Variants in MYT1L observed in about 807,000 individuals in gnomAD.
MYT1L encodes the protein myelin transcription factor 1-like protein.
Under a neutral mutation model 126.7 loss-of-function variants are expected in MYT1L, and 12 were observed. The ratio of observed to expected loss-of-function variants is 0.09; its 90% CI spans 0.06 to 0.15. The LOEUF (loss-of-function observed/expected upper bound fraction) is 0.15. MYT1L is among the 10% of genes least tolerant of loss of function. The pLI, the probability that MYT1L is intolerant of heterozygous loss-of-function variation, is 1.00. For synonymous variants in MYT1L, 541 were observed against 604.2 expected, an observed-to-expected ratio of 0.90 and a Z score of 1.53; for missense variants, 979 against 1,585.2, an observed-to-expected ratio of 0.62 and a Z score of 6.49.
At chr2:2,021,223 G>A (rs967632768) in intron 4 of MYT1L, among the ~76,000 whole-genome samples, 1 of 152,182 alleles carries the variant, frequency 6.6e-6, no homozygotes, top group Non-Finnish European at 1.5e-5. Context: ...AGGTGCACAG[G>A]TACAGGAGAA....
At position 1,956,345 on chromosome 2, in the gene MYT1L, TTCTA is replaced by T. The variant is rs374568385; in HGVS notation, c.153-13015_153-13012del. On this transcript the variant is annotated intron_variant, in intron 8 of 24. Transcript: ENST00000647738. ...TATGTGTCCTATTCTATATTTCCTATTCTATCTATCTATCTATCATCTATCCTAT... is the reference window on the plus strand; with the variant it reads ...TATGTGTCCTATTCTATATTTCCTATTCTATCTATCTATCATCTATCCTAT... Among the ~76,000 whole-genome samples the T allele has an allele frequency of 1.2e-3, 164 of 136,426 alleles. 17 individuals are homozygous for T. The highest frequency in any genetic ancestry group is 3.6e-3 in the East Asian group (18 of 5,068). 89.5% of individuals were successfully genotyped at this position (136,426 alleles called of 152,430 possible).
At chr2:1,886,474 A>AT (rs1031452204) in intron 18 of MYT1L, 65 bp downstream of exon 18, 3,442 of 1,180,462 alleles carry the variant, frequency 2.9e-3, no homozygotes, top group South Asian at 5.3e-3. Flanking sequence ...ATGACATATC[A>AT]TTTTTTTTTG....
At chr2:2,256,683 C>T (rs1187775781) in intron 2 of MYT1L, among the ~76,000 whole-genome samples, 2 of 152,218 alleles carry the variant, frequency 1.3e-5, no homozygotes, top group Non-Finnish European at 2.9e-5. Context: ...AATCGTGTGA[C>T]AGTACAAAAT....
chr2:1,838,555 G>A (rs1572717501), intron 21 of MYT1L, among the ~76,000 whole-genome samples: 2 of 152,318 alleles, frequency 1.3e-5, no homozygotes, highest in East Asian at 1.9e-4. Context: ...AATGGGTGCC[G>A]TCAGCCTTGG....
rs145955909 is a variant in MYT1L at position 1,806,925 on chromosome 2, A to G, written c.3172+2151T>C. ...CTAAGTATTTTGAAAAGCGCCCGGC[A>G]TGCAGATGGGGCTTAGGGAATGTTT... On this transcript the variant is annotated intron_variant, in intron 22 of 24. Coordinates refer to ENST00000647738, the MANE Select transcript of MYT1L (RefSeq NM_001303052.2). This position sits in a 1 kb window ranked among gnomAD's most constrained non-coding sequence, Gnocchi z 4.9. Among the ~76,000 whole-genome samples, 137 of 152,388 alleles carry G rather than the reference A, an allele frequency of 9.0e-4. No homozygotes were observed. Among genetic ancestry groups the G allele is most frequent in the Middle Eastern group, 3.4e-3 (1 of 294 alleles).
In MYT1L at chr2:1,912,172, GA is replaced by G; in HGVS notation, c.1619-63del. The G allele has an allele frequency of 8.3e-7, 1 of 1,207,592 alleles. No individual in the cohort carries two copies. 74.8% of individuals were successfully genotyped at this position (1,207,592 alleles called of 1,614,324 possible). On this transcript the variant is annotated intron_variant, in intron 11 of 24. Transcript: ENST00000647738. The surrounding 1 kb of genome is among the most constrained non-coding windows in gnomAD (Gnocchi z 4.3). ...AAACAGAGGCACGGTTAGGGCACATGAAAATGCAGTCATTTAACAAAGGCCA... is the reference window on the plus strand; with the variant it reads ...AAACAGAGGCACGGTTAGGGCACATGAAATGCAGTCATTTAACAAAGGCCA...
At chr2:1,949,365 C>T (rs1035961052) in intron 8 of MYT1L, among the ~76,000 whole-genome samples, 3 of 152,184 alleles carry the variant, frequency 2.0e-5, no homozygotes, top group Non-Finnish European at 4.4e-5. Context: ...CCTGGCATCC[C>T]GTCACCCCCA....
At chr2:1,874,150 C>T (rs777487416) in intron 18 of MYT1L, among the ~76,000 whole-genome samples, 4 of 151,938 alleles carry the variant, frequency 2.6e-5, no homozygotes, top group Admixed American at 2.0e-4. Context: ...CTTCTCCTTT[C>T]CCTCCACAAA....
chr2:1,976,226 C>T (rs1191063897), intron 8 of MYT1L, among the ~76,000 whole-genome samples: 1 of 151,910 alleles, frequency 6.6e-6, no homozygotes. Context: ...CCATCAGGAA[C>T]CTGACAGCAA....
At chr2:1,968,492 G>A (rs1390002260) in intron 8 of MYT1L, among the ~76,000 whole-genome samples, 2 of 152,208 alleles carry the variant, frequency 1.3e-5, no homozygotes, top group Non-Finnish European at 2.9e-5. Flanking sequence ...ATGTCAAGTA[G>A]TGCATTAGAT....
intron 3 of MYT1L, among the ~76,000 whole-genome samples, chr2:2,127,576 G>A (rs1379906962): frequency 6.6e-6 from 1 of 152,148 alleles, no homozygotes; most frequent in Non-Finnish European, 1.5e-5. Context: ...ACCCCTCCCG[G>A]TAAGCAGCTG....
intron 2 of MYT1L, among the ~76,000 whole-genome samples, chr2:2,178,613 C>A (rs977958070): frequency 6.6e-6 from 1 of 152,194 alleles, no homozygotes; most frequent in African/African-American, 2.4e-5. Context: ...TCAGGGTCTG[C>A]TGTTTGCCTG....
chr2:2,020,533 T>C (rs2064923689), intron 4 of MYT1L, among the ~76,000 whole-genome samples: 1 of 152,214 alleles, frequency 6.6e-6, no homozygotes, highest in Non-Finnish European at 1.5e-5. Flanking sequence ...GAATAGGTAG[T>C]TCCTAGACAT....
chr2:1,999,430 G>A (rs886593109), intron 4 of MYT1L, among the ~76,000 whole-genome samples: 5 of 152,132 alleles, frequency 3.3e-5, no homozygotes, highest in Non-Finnish European at 7.3e-5. Context: ...GCAAGGTGGA[G>A]AGAAAGAATA....
rs1383019530 is a variant in MYT1L at position 1,892,245 on chromosome 2, G to A, written c.2075C>T (p.Thr692Ile). The A allele has an allele frequency of 3.9e-6, 6 of 1,549,626 alleles. No individual in the cohort carries two copies. In the Admixed American group the frequency reaches 9.8e-5, roughly 25 times the overall value. Residue 692 changes from threonine to isoleucine, a missense_variant, in exon 15 of 25, where the codon ACC becomes ATC. Coordinates refer to ENST00000647738, the MANE Select transcript of MYT1L (RefSeq NM_001303052.2). ...CKDPSPSSSS[T>I]SSYAPSSSSN... ...GCTGCTGCTGGGCGCGTAGCTGCTG[G>A]TGCTGCTGCTGCTGGGGCTGGGGTC...
intron 14 of MYT1L, among the ~76,000 whole-genome samples, chr2:1,898,596 G>A (rs1259607815): frequency 6.6e-6 from 1 of 152,248 alleles, no homozygotes; most frequent in Non-Finnish European, 1.5e-5. Flanking sequence ...GACCTAGCAG[G>A]AGCTTGCGGC....
In MYT1L at chr2:1,797,443, A is replaced by G. The variant is rs1461921317; in HGVS notation, c.3276+4253T>C. 9.9e-5 allele frequency among the ~76,000 whole-genome samples: 15 copies of G among 152,094 alleles called. No individual in the cohort carries two copies. In the South Asian group the frequency reaches 3.1e-3, roughly 32 times the overall value. On this transcript the variant is annotated intron_variant, in intron 23 of 24. Transcript: ENST00000647738. Reference sequence around the variant, plus strand: ...CACCGTGTTAGCCAGGATGGTCTCGATTTCCTGACCTCGTGATCTGCCCGC... The same window carrying G: ...CACCGTGTTAGCCAGGATGGTCTCGGTTTCCTGACCTCGTGATCTGCCCGC...
chr2:2,281,379 A>T (rs1193779627), intron 2 of MYT1L, among the ~76,000 whole-genome samples: 1 of 152,184 alleles, frequency 6.6e-6, no homozygotes, highest in Non-Finnish European at 1.5e-5. Flanking sequence ...ATGACTTTTC[A>T]TGTCATAACT....
intron 1 of MYT1L, among the ~76,000 whole-genome samples, chr2:2,318,168 A>G (rs1276838838): frequency 2.0e-5 from 3 of 152,212 alleles, no homozygotes; most frequent in Non-Finnish European, 2.9e-5. Flanking sequence ...AATTTACACT[A>G]TCATTGACTC....
Sources: allele counts gnomAD v4.1 joint callset (sites outside exome capture counted in the v4.1 genomes callset), GRCh38; gene constraint gnomAD v4.1.1; non-coding constraint Gnocchi (gnomAD v3.1); transcripts MANE v1.5; gene names NCBI Gene and HGNC (gene_info 2026-07-23, HGNC 2026-07-21).